SIPA1L2: variants seen among roughly 807,000 people sequenced by gnomAD.
The protein encoded by SIPA1L2 is signal-induced proliferation-associated 1-like protein 2.
SIPA1L2 carries 56 observed loss-of-function variants against 163.9 expected under a neutral mutation model. The observed-to-expected ratio is 0.34, with a 90% CI of 0.28 to 0.43. The LOEUF is 0.43. Among genes scored for constraint, SIPA1L2 ranks in the 20% least tolerant of loss-of-function variants. The probability of loss-of-function intolerance (pLI) is 1.00; values close to 1 mark genes in which losing one functional copy is unlikely to be tolerated. For synonymous variants in SIPA1L2, 877 were observed against 865.7 expected, an observed-to-expected ratio of 1.01 and a Z score of -0.23; for missense variants, 1,974 against 2,193.5, an observed-to-expected ratio of 0.90 and a Z score of 2.00.
At chr1:232,450,708 A>T (rs1468729970) in intron 10 of SIPA1L2, among the ~76,000 whole-genome samples, 1 of 152,234 alleles carries the variant, frequency 6.6e-6, no homozygotes, top group Non-Finnish European at 1.5e-5. Flanking sequence ...TATGGTTTTT[A>T]AGAGGAAAAA....
chr1:232,493,726 T>C, intron 3 of SIPA1L2, 66 bp from the exon 4 acceptor site: 1 of 1,580,338 alleles, frequency 6.3e-7, no homozygotes, highest in Non-Finnish European at 8.7e-7. Context: ...GATGGATATC[T>C]CTCAGTTTGT....
chr1:232,434,989 T>C (rs528610893), intron 15 of SIPA1L2, among the ~76,000 whole-genome samples: 7 of 152,274 alleles, frequency 4.6e-5, no homozygotes, highest in South Asian at 2.1e-4. Context: ...AGTTTCCCCA[T>C]TGTCCCAATA....
chr1:232,415,736 C>A, intron 18 of SIPA1L2, 111 bp from the exon 19 acceptor site: 1 of 1,431,170 alleles, frequency 7.0e-7, no homozygotes, highest in Non-Finnish European at 9.6e-7. Context: ...TCAGTCAGAA[C>A]ACGGGCACCA....
At position 232,530,424 on chromosome 1, in the gene SIPA1L2, C is replaced by T. The variant is rs199545090; in HGVS notation, c.-269-14816G>A. 1.3e-5 allele frequency among the ~76,000 whole-genome samples: 2 copies of T among 152,226 alleles called. 1 individual carries two copies. The highest frequency in any genetic ancestry group is 2.9e-5 in the Non-Finnish European group (2 of 68,002). On this transcript the variant is annotated intron_variant, in intron 2 of 22. Coordinates refer to ENST00000674635, the MANE Select transcript of SIPA1L2 (RefSeq NM_020808.5). Reference sequence around the variant, plus strand: ...CCACCGTGCTGGGCCACCATTTATTCTACTTGCATTTACAACCCCTGTCAC... The same window carrying T: ...CCACCGTGCTGGGCCACCATTTATTTTACTTGCATTTACAACCCCTGTCAC...
At chr1:232,524,147 A>C (rs1436773575) in intron 2 of SIPA1L2, among the ~76,000 whole-genome samples, 1 of 152,240 alleles carries the variant, frequency 6.6e-6, no homozygotes, top group Non-Finnish European at 1.5e-5. Flanking sequence ...TCAGTAAATC[A>C]ACGTATTCAG....
chr1:232,444,772 A>C (rs1415576227), intron 11 of SIPA1L2, among the ~76,000 whole-genome samples: 2 of 152,186 alleles, frequency 1.3e-5, no homozygotes, highest in Non-Finnish European at 2.9e-5. Flanking sequence ...GTTACAGTAC[A>C]TCAAGTAAGT....
intron 2 of SIPA1L2, among the ~76,000 whole-genome samples, chr1:232,552,873 G>A (rs1418149024): frequency 6.6e-6 from 1 of 152,188 alleles, no homozygotes; most frequent in Non-Finnish European, 1.5e-5. Flanking sequence ...CCCTTATGGA[G>A]GGGGAGCATG....
At chr1:232,482,561 C>A (rs772997548) in intron 6 of SIPA1L2, among the ~76,000 whole-genome samples, 25 of 152,074 alleles carry the variant, frequency 1.6e-4, no homozygotes, top group Non-Finnish European at 1.5e-4. Flanking sequence ...TATAATGTAA[C>A]AGTCAAACTC....
At chr1:232,528,396 C>T (rs1027981541) in intron 2 of SIPA1L2, among the ~76,000 whole-genome samples, 5 of 151,932 alleles carry the variant, frequency 3.3e-5, no homozygotes, top group Non-Finnish European at 7.4e-5. Context: ...TTTCTACTGT[C>T]GCAGGTTCTC....
intron 1 of SIPA1L2, among the ~76,000 whole-genome samples, chr1:232,589,553 T>A (rs1397965776): frequency 1.3e-5 from 2 of 152,244 alleles, no homozygotes. Context: ...TGGAGTCTGT[T>A]GGGGAATCAA....
At position 232,445,569 on chromosome 1, in the gene SIPA1L2, G is replaced by T. The variant is rs775307875; in HGVS notation, c.3313C>A (p.Arg1105=). 6.2e-7 allele frequency: 1 copy of T among 1,613,876 alleles called. No homozygotes were observed. Among genetic ancestry groups the T allele is most frequent in the African/African-American group, 1.3e-5 (1 of 74,910 alleles). Residue 1105 remains arginine, a synonymous_variant, in exon 11 of 23, where the codon CGA becomes AGA. Coordinates refer to ENST00000674635, the MANE Select transcript of SIPA1L2 (RefSeq NM_020808.5). The part of the protein sequence containing the change: ...LLQQAQAAIP[R]STSFDRKLPD... ...AGCTTCCGGTCGAAGGAGGTGCTTC[G>T]AGGAATGGCAGCCTGGGCCTGCTGG... is the stretch of plus-strand genomic sequence containing the variant.
At chr1:232,458,221 G>A (rs1664039940) in intron 10 of SIPA1L2, among the ~76,000 whole-genome samples, 1 of 152,132 alleles carries the variant, frequency 6.6e-6, no homozygotes, top group South Asian at 2.1e-4. Context: ...GGAGGCAAGG[G>A]CAAAATCTTT....
At chr1:232,557,765 T>C (rs1017715522) in intron 2 of SIPA1L2, among the ~76,000 whole-genome samples, 3 of 152,192 alleles carry the variant, frequency 2.0e-5, no homozygotes, top group Non-Finnish European at 4.4e-5. Flanking sequence ...GTCAATGTGG[T>C]ATTGTCTCAC....
At chr1:232,415,266 T>G (rs977900005) in intron 19 of SIPA1L2, among the ~76,000 whole-genome samples, 6 of 152,214 alleles carry the variant, frequency 3.9e-5, no homozygotes, top group African/African-American at 1.4e-4. Flanking sequence ...ATTCGGGTTT[T>G]CAGATTTCTT....
In SIPA1L2 at chr1:232,479,789, T is replaced by C. The variant is rs80348514; in HGVS notation, c.1982-59A>G. ...AGCTGCTACAAAATTAGTGCTTCGA[T>C]ATTTAAAAGGTTACTGTTGCAAAAA... On this transcript the variant is annotated intron_variant, in intron 6 of 22. Coordinates refer to ENST00000674635, the MANE Select transcript of SIPA1L2 (RefSeq NM_020808.5). 4 of 1,461,896 alleles carry C rather than the reference T, an allele frequency of 2.7e-6. No individual in the cohort carries two copies. In the African/African-American group the frequency reaches 4.2e-5, roughly 15 times the overall value. 90.6% of individuals were successfully genotyped at this position (1,461,896 alleles called of 1,614,324 possible). A position where few individuals can be genotyped will look rare whatever the true frequency, so the allele number is the denominator to read the frequency against.
intron 1 of SIPA1L2, among the ~76,000 whole-genome samples, chr1:232,596,468 C>T (rs780349630): frequency 2.0e-5 from 3 of 152,184 alleles, no homozygotes; most frequent in African/African-American, 7.2e-5. Flanking sequence ...AAATCACCAA[C>T]AAGGAAGGAC....
chr1:232,493,974 A>G (rs1274126204), intron 3 of SIPA1L2, among the ~76,000 whole-genome samples: 1 of 152,196 alleles, frequency 6.6e-6, no homozygotes, highest in Non-Finnish European at 1.5e-5. Context: ...ATTCTTAGAA[A>G]CTGTCAAAAG....
intron 1 of SIPA1L2, among the ~76,000 whole-genome samples, chr1:232,584,908 A>G (rs1044486183): frequency 3.9e-5 from 6 of 152,266 alleles, no homozygotes; most frequent in Non-Finnish European, 8.8e-5. Flanking sequence ...AGAAGGTTAT[A>G]TAACTATGTT....
At chr1:232,563,622 T>C (rs1171055250) in intron 2 of SIPA1L2, among the ~76,000 whole-genome samples, 3 of 152,228 alleles carry the variant, frequency 2.0e-5, no homozygotes, top group Non-Finnish European at 4.4e-5. Context: ...TGGGGAAGTT[T>C]AGGAAAATAC....
Sources: allele counts gnomAD v4.1 joint callset (sites outside exome capture counted in the v4.1 genomes callset), GRCh38; gene constraint gnomAD v4.1.1; transcripts MANE v1.5; gene names NCBI Gene and HGNC (gene_info 2026-07-23, HGNC 2026-07-21).